The following COL12A1 variants were observed in gnomAD, a reference collection of about 807,000 sequenced individuals.
COL12A1 encodes collagen type XII alpha 1 chain, also known as collagen alpha-1(XII) chain.
COL12A1 carries 114 observed loss-of-function variants against 349.7 expected under a neutral mutation model. That is an observed-to-expected ratio of 0.33 (90% CI 0.28 to 0.38). The LOEUF (loss-of-function observed/expected upper bound fraction) is 0.38. Among genes scored for constraint, COL12A1 ranks in the 10% least tolerant of loss-of-function variants. The pLI, the probability that COL12A1 is intolerant of heterozygous loss-of-function variation, is 1.00. For missense variants in COL12A1, 3,284 were observed against 3,756.9 expected, an observed-to-expected ratio of 0.87 and a Z score of 3.29; for synonymous variants, 1,369 against 1,329.0, an observed-to-expected ratio of 1.03 and a Z score of -0.66.
intron 3 of COL12A1, 70 bp downstream of exon 3, chr6:75,194,761 G>T: frequency 1.1e-6 from 1 of 933,650 alleles, no homozygotes; most frequent in Non-Finnish European, 1.6e-6. Flanking sequence ...TGATGAAAGG[G>T]GAGAAGAGGT....
At position 75,156,316 on chromosome 6, in the gene COL12A1, G is replaced by A. The variant is rs1439029097; in HGVS notation, c.3191C>T (p.Thr1064Ile). 6.2e-7 allele frequency: 1 copy of A among 1,613,892 alleles called. No individual in the cohort carries two copies. Among genetic ancestry groups the A allele is most frequent in the Admixed American group, 1.7e-5 (1 of 59,990 alleles). Reference sequence around the variant, plus strand: ...TCCCATCTTGTAAATAGGAAGAACTGTGATGTCATATGTGGTCTGTGGCTG... The same window carrying A: ...TCCCATCTTGTAAATAGGAAGAACTATGATGTCATATGTGGTCTGTGGCTG... The part of the protein sequence containing the change: ...RLQPQTTYDI[T>I]VLPIYKMGEG... Residue 1064 changes from threonine to isoleucine, a missense_variant, in exon 15 of 66, where the codon ACA becomes ATA. By Grantham distance (89) the Thr-to-Ile change is moderately conservative. Coordinates refer to ENST00000322507, the MANE Select transcript of COL12A1 (RefSeq NM_004370.6).
chr6:75,152,198 G>C lies in COL12A1; in HGVS notation c.3768C>G (p.His1256Gln). 1.9e-6 allele frequency: 3 copies of C among 1,613,772 alleles called. No homozygotes were observed. The highest frequency in any genetic ancestry group is 2.5e-6 in the Non-Finnish European group (3 of 1,179,830). ...CTTGCAACAAGCTCTTCTTGTCTCT[G>C]TGTGCATTTAACTGCCACTCTGTTC... ...DPRTEWQLNA[H>Q]RDKKSLLQAV... The change falls in exon 19 of 66, where the codon CAC (histidine) becomes CAG (glutamine). Residue 1256 changes from histidine to glutamine, a missense_variant. By Grantham distance (24) the His-to-Gln change is conservative. This residue lies in a region of COL12A1 where 2,601 missense variants were observed against 2,824.8 expected (regional missense o/e 0.92). Coordinates refer to ENST00000322507, the MANE Select transcript of COL12A1 (RefSeq NM_004370.6).
chr6:75,114,922 G>T (rs1163234471), intron 49 of COL12A1, among the ~76,000 whole-genome samples: 1 of 152,000 alleles, frequency 6.6e-6, no homozygotes, highest in Non-Finnish European at 1.5e-5. Context: ...GAAATCATAC[G>T]CTGAGCTGAC....
intron 47 of COL12A1, among the ~76,000 whole-genome samples, chr6:75,116,978 A>T (rs1490740555): frequency 6.6e-6 from 1 of 152,164 alleles, no homozygotes; most frequent in Non-Finnish European, 1.5e-5. Context: ...TTTCTGAGGA[A>T]CCATTTTTCT....
At chr6:75,137,346 T>A in intron 31 of COL12A1, 91 bp downstream of exon 31, 1 of 1,175,818 alleles carries the variant, frequency 8.5e-7, no homozygotes, top group South Asian at 1.6e-5. Context: ...CCTTAAAAAG[T>A]AAGTATGACT....
chr6:75,152,006 T>C lies in COL12A1; in HGVS notation c.3861A>G (p.Gln1287=), dbSNP rs775456285. Residue 1287 remains glutamine, a synonymous_variant, in exon 20 of 66, where the codon CAA becomes CAG. Transcript: ENST00000322507. ...LTGMALNFIR[Q]QNFRTQAGMR... ...TGCCAGCTTGGGTCCTGAAGTTCTG[T>C]TGGCGAATGAAATTCAAAGCCATGC... The C allele has an allele frequency of 1.8e-5, 29 of 1,613,880 alleles. No homozygotes were observed. Among genetic ancestry groups the C allele is most frequent in the Admixed American group, 3.3e-5 (2 of 59,990 alleles).
intron 14 of COL12A1, among the ~76,000 whole-genome samples, chr6:75,161,195 A>G (rs1170440040): frequency 6.6e-6 from 1 of 152,198 alleles, no homozygotes; most frequent in Non-Finnish European, 1.5e-5. Context: ...ACAGACATGG[A>G]GAGGATGTGC....
rs984784417 is a variant in COL12A1 at position 75,146,245 on chromosome 6, C to T, written c.4418-1G>A. 1.3e-6 allele frequency: 2 copies of T among 1,591,836 alleles called. No homozygotes were observed. Among genetic ancestry groups the T allele is most frequent in the African/African-American group, 1.4e-5 (1 of 73,782 alleles). Reference sequence around the variant, plus strand: ...TTCAGGCTGACTACAGGCACTGGCACTTCCAAAACAGAAAAGCAGACCATC... The same window carrying T: ...TTCAGGCTGACTACAGGCACTGGCATTTCCAAAACAGAAAAGCAGACCATC... On this transcript the variant is annotated splice_acceptor_variant, in intron 23 of 65. Coordinates refer to ENST00000322507, the MANE Select transcript of COL12A1 (RefSeq NM_004370.6). LOFTEE classifies it high-confidence loss of function.
intron 31 of COL12A1, 134 bp from the exon 32 acceptor site, chr6:75,134,989 T>C (rs931625704): frequency 5.1e-6 from 4 of 779,452 alleles, no homozygotes; most frequent in Admixed American, 2.9e-5. Context: ...ACAGTCAAGG[T>C]TTAACATACA....
intron 40 of COL12A1, 43 bp from the exon 41 acceptor site, chr6:75,124,414 G>T: frequency 7.1e-7 from 1 of 1,407,102 alleles, no homozygotes; most frequent in Non-Finnish European, 9.8e-7. Context: ...GTAAATTGAG[G>T]CAAAAAGTGT....
Position 75,142,072 on chromosome 6 carries a change from G to T in COL12A1, c.4917C>A (p.Asp1639Glu). ...LYTVSVSAVH[D>E]EGESPPVTAQ... ...CAGTCACTGGAGGAGACTCCCCCTC[G>T]TCATGTACTGCAGAAACGCTGACTG... The change falls in exon 27 of 66, where the codon GAC becomes GAA. Residue 1639 changes from aspartate (D) to glutamate (E), a missense_variant. Physicochemically the swap from Asp to Glu is conservative, Grantham distance 45 (BLOSUM62 2). Transcript: ENST00000322507. The T allele has an allele frequency of 6.2e-7, 1 of 1,614,040 alleles. No homozygotes were observed. Among genetic ancestry groups the T allele is most frequent in the South Asian group, 1.1e-5 (1 of 91,074 alleles).
At chr6:75,133,834 T>C (rs1766436070) in intron 33 of COL12A1, 24 bp downstream of exon 33, 3 of 1,613,014 alleles carry the variant, frequency 1.9e-6, no homozygotes, top group African/African-American at 2.7e-5. Flanking sequence ...CAAACTAGCA[T>C]TTTTTACTAC....
intron 38 of COL12A1, among the ~76,000 whole-genome samples, chr6:75,126,914 C>T (rs1766045798): frequency 6.6e-6 from 1 of 151,972 alleles, no homozygotes; most frequent in Admixed American, 6.6e-5. Context: ...AATGTTTTTT[C>T]CCTGTACCTC....
In COL12A1 at chr6:75,165,737, T is replaced by C. The variant is rs1364337157; in HGVS notation, c.2753A>G (p.Asp918Gly). The C allele has an allele frequency of 6.2e-7, 1 of 1,613,860 alleles. No homozygotes were observed. Among genetic ancestry groups the C allele is most frequent in the Non-Finnish European group, 8.5e-7 (1 of 1,179,894 alleles). The change falls in exon 14 of 66, where the codon GAC becomes GGC. Residue 918 changes from aspartate (D) to glycine (G), a missense_variant. Physicochemically the swap from Asp to Gly is moderately conservative, Grantham distance 94. This residue lies in a region of COL12A1 where 2,601 missense variants were observed against 2,824.8 expected (regional missense o/e 0.92). Transcript: ENST00000322507. ...TGTCCAATAAGCCCCAATTGATGTG[T>C]CAGTGATGTCTTTAGTAACTAAATC... Reference protein sequence around the residue: ...PQDLVTKDITDTSIGAYWTSA... With the variant: ...PQDLVTKDITGTSIGAYWTSA...
chr6:75,142,768 A>G (rs1266643329), intron 26 of COL12A1, among the ~76,000 whole-genome samples: 1 of 152,170 alleles, frequency 6.6e-6, no homozygotes, highest in Non-Finnish European at 1.5e-5. Flanking sequence ...TCCGGTCATC[A>G]CGGAACTCCC....
In COL12A1 at chr6:75,138,956, C is replaced by T. The variant is rs749368197; in HGVS notation, c.4963G>A (p.Val1655Met). 53 of 1,613,780 alleles carry T rather than the reference C, an allele frequency of 3.3e-5. No homozygotes were observed. The highest frequency in any genetic ancestry group is 4.1e-5 in the Non-Finnish European group (48 of 1,179,904). The change falls in exon 28 of 66, where the codon GTG becomes ATG. Residue 1655 changes from valine (V) to methionine (M), a missense_variant. This residue lies in a region of COL12A1 where 2,601 missense variants were observed against 2,824.8 expected (regional missense o/e 0.92). Transcript: ENST00000322507. ...ATCTTTAAGTTTGTTGGGGCTGGCA[C>T]GGGTCCTATCATGAGAAAAGGCAAG... ...PVTAQETTRP[V>M]PAPTNLKITE... is the part of the protein sequence containing the mutation.
intron 64 of COL12A1, 66 bp from the exon 65 acceptor site, chr6:75,087,813 A>G (rs1452252532): frequency 3.3e-6 from 5 of 1,520,932 alleles, no homozygotes; most frequent in Non-Finnish European, 3.6e-6. Context: ...GTAGCCACCA[A>G]TACTTTAAGT....
In COL12A1 at chr6:75,103,862, T is replaced by C. The variant is rs1328831972; in HGVS notation, c.8266-52A>G. 2.1e-6 allele frequency: 3 copies of C among 1,440,954 alleles called. No individual in the cohort carries two copies. The East Asian group carries it at 7.1e-5, about 34-fold the overall frequency. The allele number at this position is 1,440,954 out of a possible 1,614,324, so 89.3% of individuals were successfully genotyped here. A position where few individuals can be genotyped will look rare whatever the true frequency, so the allele number is the denominator to read the frequency against. ...GTGAACATAGGAAAATAGGAGGAAG[T>C]TGATATACAAAAAGTCCTTCAAGAA... On this transcript the variant is annotated intron_variant, in intron 54 of 65. Coordinates refer to ENST00000322507, the MANE Select transcript of COL12A1 (RefSeq NM_004370.6).
intron 65 of COL12A1, chr6:75,087,354 G>A (rs1373543506): frequency 2.0e-6 from 1 of 496,714 alleles, no homozygotes; most frequent in Non-Finnish European, 3.5e-6. Flanking sequence ...GATGTGATTT[G>A]GTAAATGCAG....
Sources: gnomAD v4.1 joint callset for allele counts (sites outside exome capture counted in the v4.1 genomes callset) on GRCh38, gnomAD v4.1.1 for gene constraint, gnomAD v4.1.1 regional missense constraint, MANE v1.5 for transcripts, NCBI Gene and HGNC (gene_info 2026-07-23, HGNC 2026-07-21) for gene names.